The following TMEM120A variants were observed in gnomAD, a reference collection of about 807,000 sequenced individuals.
TMEM120A encodes transmembrane protein 120A, also known as ion channel TACAN.
Under a neutral mutation model 54.3 loss-of-function variants are expected in TMEM120A, and 45 were observed. That is an observed-to-expected ratio of 0.83 (90% CI 0.65 to 1.06). The LOEUF is 1.06. Among genes scored for constraint, TMEM120A ranks in the 50% least tolerant of loss-of-function variants. The pLI, the probability that TMEM120A is intolerant of heterozygous loss-of-function variation, is 0.00. For missense variants in TMEM120A, 424 were observed against 441.7 expected (o/e 0.96, Z 0.36); for synonymous variants, 204 against 178.5 (o/e 1.14, Z -1.14).
intron 1 of TMEM120A, 136 bp downstream of exon 1, chr7:75,994,354 C>T: frequency 1.4e-6 from 1 of 723,586 alleles, no homozygotes; most frequent in Non-Finnish European, 2.3e-6. Context: ...GGGGCCTCGC[C>T]CCCCTTGGCA....
chr7:75,988,500 CGTCCTT>C lies in TMEM120A; in HGVS notation c.388_393del (p.Lys130_Asp131del). The C allele has an allele frequency of 6.2e-7, 1 of 1,607,030 alleles. No homozygotes were observed. Among genetic ancestry groups the C allele is most frequent in the African/African-American group, 1.4e-5 (1 of 72,976 alleles). ...AGGTAGAGCTTGAACTTCTCATACT[CGTCCTT>C]GTAGGCAAACCTGGGGGGCGCAGGC... On this transcript the variant is annotated inframe_deletion, in exon 5 of 12. Coordinates refer to ENST00000493111, the MANE Select transcript of TMEM120A (RefSeq NM_031925.3).
At chr7:75,988,585 G>A in intron 4 of TMEM120A, 69 bp from the exon 5 acceptor site, 1 of 1,139,974 alleles carries the variant, frequency 8.8e-7, no homozygotes, top group Non-Finnish European at 1.3e-6. Context: ...ACCCCGGGAG[G>A]GCAGCTGAGC....
Position 75,987,349 on chromosome 7 carries a change from C to A in TMEM120A, c.918+11G>T, listed in dbSNP as rs1321147083. On this transcript the variant is annotated intron_variant, in intron 11 of 11. Transcript: ENST00000493111. ...GCCCCCCATCCATCCTGTCCAGGGA[C>A]CCCGGCTCACCTGCCACTCCTTGCA... 48 of 1,560,736 alleles carry A rather than the reference C, an allele frequency of 3.1e-5. No homozygotes were observed. The highest frequency in any genetic ancestry group is 1.7e-4 in the Middle Eastern group (1 of 6,018).
Position 75,994,566 on chromosome 7 carries a change from T to C in TMEM120A, c.5A>G (p.Gln2Arg). 1 of 1,542,494 alleles carries C rather than the reference T, an allele frequency of 6.5e-7. No homozygotes were observed. Among genetic ancestry groups the C allele is most frequent in the Non-Finnish European group, 8.7e-7 (1 of 1,144,272 alleles). Reference protein sequence around the residue: MQPPPPGPLGDC... With the variant: MRPPPPGPLGDC... Reference sequence around the variant, plus strand: ...GCCCAGCGGGCCCGGGGGCGGGGGCTGCATGGCTGCAGCGCCAGTAGCCAG... The same window carrying C: ...GCCCAGCGGGCCCGGGGGCGGGGGCCGCATGGCTGCAGCGCCAGTAGCCAG... Residue 2 changes from glutamine to arginine, a missense_variant, in exon 1 of 12, where the codon CAG becomes CGG. Gln to Arg is a conservative substitution (Grantham distance 43, BLOSUM62 1). Transcript: ENST00000493111.
At position 75,987,352 on chromosome 7, in the gene TMEM120A, C is replaced by G. The variant is rs116526655; in HGVS notation, c.918+8G>C. ...CCCCATCCATCCTGTCCAGGGACCC[C>G]GGCTCACCTGCCACTCCTTGCACTG... On this transcript the variant is annotated splice_region_variant and intron_variant, in intron 11 of 11. Coordinates refer to ENST00000493111, the MANE Select transcript of TMEM120A (RefSeq NM_031925.3). 1 of 1,560,428 alleles carries G rather than the reference C, an allele frequency of 6.4e-7. No individual in the cohort carries two copies. The highest frequency in any genetic ancestry group is 8.7e-7 in the Non-Finnish European group (1 of 1,153,422).
In TMEM120A at chr7:75,988,490, T is replaced by C. The variant is rs781959690; in HGVS notation, c.404A>G (p.Lys135Arg). 1.9e-5 allele frequency: 30 copies of C among 1,608,274 alleles called. No homozygotes were observed. In the South Asian group the frequency reaches 3.3e-4, roughly 18 times the overall value. ...GATGATGGTGAGGTAGAGCTTGAAC[T>C]TCTCATACTCGTCCTTGTAGGCAAA... is the stretch of plus-strand genomic sequence containing the variant. ...AKFAYKDEYE[K>R]FKLYLTIILI... Residue 135 changes from lysine to arginine, a missense_variant, in exon 5 of 12, where the codon AAG becomes AGG. Coordinates refer to ENST00000493111, the MANE Select transcript of TMEM120A (RefSeq NM_031925.3).
chr7:75,987,195 G>C lies in TMEM120A; in HGVS notation c.1009C>G (p.Arg337Gly), dbSNP rs782444597. 1 of 1,605,150 alleles carries C rather than the reference G, an allele frequency of 6.2e-7. No homozygotes were observed. Among genetic ancestry groups the C allele is most frequent in the Non-Finnish European group, 8.5e-7 (1 of 1,176,578 alleles). Reference protein sequence around the residue: ...RVVHHKFHSQRHGSKKD With the variant: ...RVVHHKFHSQGHGSKKD ...CCTCAATCCTTCTTGCTCCCGTGCC[G>C]CTGACTGTGAAACTTGTGGTGCACA... is the stretch of plus-strand genomic sequence containing the variant. The change falls in exon 12 of 12, where the codon CGG becomes GGG. Residue 337 changes from arginine to glycine, a missense_variant. Physicochemically the swap from Arg to Gly is moderately radical, Grantham distance 125. Transcript: ENST00000493111.
chr7:75,988,521 G>A lies in TMEM120A; in HGVS notation c.378-5C>T, dbSNP rs1789654043. 6.2e-7 allele frequency: 1 copy of A among 1,602,398 alleles called. No individual in the cohort carries two copies. The highest frequency in any genetic ancestry group is 8.5e-7 in the Non-Finnish European group (1 of 1,176,646). On this transcript the variant is annotated splice_polypyrimidine_tract_variant and splice_region_variant and intron_variant, in intron 4 of 11. Coordinates refer to ENST00000493111, the MANE Select transcript of TMEM120A (RefSeq NM_031925.3). ...TACTCGTCCTTGTAGGCAAACCTGGGGGGCGCAGGCCGGTGAGACGGGTGG... is the reference window on the plus strand; with the variant it reads ...TACTCGTCCTTGTAGGCAAACCTGGAGGGCGCAGGCCGGTGAGACGGGTGG...
chr7:75,990,923 C>A (rs1399420097), intron 3 of TMEM120A, among the ~76,000 whole-genome samples: 6 of 145,988 alleles, frequency 4.1e-5, no homozygotes, highest in South Asian at 2.2e-4. Context: ...AAAAAAAAGT[C>A]TCCTAGACTT....
At position 75,990,877 on chromosome 7, in the gene TMEM120A, G is replaced by A. The variant is rs910188819; in HGVS notation, c.317+1267C>T. Reference sequence around the variant, plus strand: ...TCAAGTGACTGCACTCCAGCCTAGCGACAGAGTGAGACTCTGTCTCAAAAA... The same window carrying A: ...TCAAGTGACTGCACTCCAGCCTAGCAACAGAGTGAGACTCTGTCTCAAAAA... On this transcript the variant is annotated intron_variant, in intron 3 of 11. Transcript: ENST00000493111. Among the ~76,000 whole-genome samples, 12 of 131,016 alleles carry A rather than the reference G, an allele frequency of 9.2e-5. No individual in the cohort carries two copies. The East Asian group carries it at 1.4e-3, about 16-fold the overall frequency. 86.0% of individuals were successfully genotyped at this position (131,016 alleles called of 152,430 possible).
At chr7:75,994,207 C>G (rs1554562583) in intron 1 of TMEM120A, among the ~76,000 whole-genome samples, 1 of 152,206 alleles carries the variant, frequency 6.6e-6, no homozygotes, top group African/African-American at 2.4e-5. Context: ...CAGGCGGCCG[C>G]TCTCTTCTGG....
rs1554559838 is a variant in TMEM120A, at chr7:75,987,126, C to T, written c.*46G>A. On this transcript the variant is annotated 3_prime_UTR_variant, in exon 12 of 12. Transcript: ENST00000493111. ...GGGCGCCTCCCATCCCCTCCCACAA[C>T]ACACAGGACAGAAGCCCCTCTGGGC... 2.0e-6 allele frequency: 3 copies of T among 1,502,960 alleles called. No homozygotes were observed. The highest frequency in any genetic ancestry group is 4.8e-5 in the East Asian group (2 of 41,248). 93.1% of individuals were successfully genotyped at this position (1,502,960 alleles called of 1,614,324 possible). A position where few individuals can be genotyped will look rare whatever the true frequency, so the allele number is the denominator to read the frequency against.
intron 9 of TMEM120A, 58 bp from the exon 10 acceptor site, chr7:75,987,660 C>T (rs782001430): frequency 3.7e-5 from 60 of 1,605,368 alleles, no homozygotes; most frequent in Non-Finnish European, 4.8e-5. Flanking sequence ...CGCTACCACT[C>T]AGACCCGGGA....
At position 75,992,540 on chromosome 7, in the gene TMEM120A, G is replaced by A; in HGVS notation, c.99C>T (p.Tyr33=). ...FQNIQETHRL[Y]RLKLEELTKL... ...TGGTCAGCTCCTCCAGCTTCAGGCG[G>A]TAGAGCCGATGGGTCTCCTGGGGGC... The change falls in exon 2 of 12, where the codon TAC becomes TAT. Residue 33 remains tyrosine (Y), a synonymous_variant. Coordinates refer to ENST00000493111, the MANE Select transcript of TMEM120A (RefSeq NM_031925.3). 2.5e-6 allele frequency: 4 copies of A among 1,580,814 alleles called. No individual in the cohort carries two copies. Among genetic ancestry groups the A allele is most frequent in the Non-Finnish European group, 3.4e-6 (4 of 1,164,350 alleles).
intron 3 of TMEM120A, among the ~76,000 whole-genome samples, chr7:75,989,744 T>G (rs1554561458): frequency 6.6e-6 from 1 of 151,756 alleles, no homozygotes. Context: ...TCCCGGGGCG[T>G]TTCTTCCCAC....
rs1369949981 is a variant in TMEM120A at position 75,987,707 on chromosome 7, T to C, written c.784+11A>G. The C allele has an allele frequency of 8.1e-6, 13 of 1,611,826 alleles. No homozygotes were observed. Among genetic ancestry groups the C allele is most frequent in the Non-Finnish European group, 1.1e-5 (13 of 1,179,590 alleles). ...GGGAATGTCCAGATGCCAGGGCCAC[T>C]CCCGACTCACCCACAGTGAGGTCCA... On this transcript the variant is annotated intron_variant, in intron 9 of 11. Coordinates refer to ENST00000493111, the MANE Select transcript of TMEM120A (RefSeq NM_031925.3).
chr7:75,991,323 G>A (rs7794040), intron 3 of TMEM120A, among the ~76,000 whole-genome samples: 132,354 of 152,100 alleles, frequency 0.87, 57,781 homozygotes, highest in Non-Finnish European at 0.9. Flanking sequence ...CCCGACCTCT[G>A]GCCACTACAA....
chr7:75,987,268 A>C lies in TMEM120A; in HGVS notation c.936T>G (p.Phe312Leu). 1 of 1,603,598 alleles carries C rather than the reference A, an allele frequency of 6.2e-7. No homozygotes were observed. The highest frequency in any genetic ancestry group is 8.5e-7 in the Non-Finnish European group (1 of 1,175,746). ...TGCCGAGGAAAAGGAGGAGGAAGGG[A>C]AAGCCGCACATAAGCACCTGCCGGA... Reference protein sequence around the residue: ...CKEWQVLMCGFPFLLLFLGNF... With the variant: ...CKEWQVLMCGLPFLLLFLGNF... The change falls in exon 12 of 12, where the codon TTT becomes TTG. Residue 312 changes from phenylalanine (F) to leucine (L), a missense_variant. By Grantham distance (22) the Phe-to-Leu change is conservative (BLOSUM62 0). Transcript: ENST00000493111.
chr7:75,986,870 T>G lies in TMEM120A; in HGVS notation c.*302A>C. 6.9e-6 allele frequency: 4 copies of G among 582,512 alleles called. No homozygotes were observed. The East Asian group carries it at 1.1e-4, about 16-fold the overall frequency. 36.1% of individuals were successfully genotyped at this position (582,512 alleles called of 1,614,324 possible). On this transcript the variant is annotated 3_prime_UTR_variant, in exon 12 of 12. Transcript: ENST00000493111. Reference sequence around the variant, plus strand: ...TGTTTTCTGTATTTGCCTGGTATTGTGTGAGTAGATCTGGGACCTCCACCT... The same window carrying G: ...TGTTTTCTGTATTTGCCTGGTATTGGGTGAGTAGATCTGGGACCTCCACCT...
Sources: allele counts gnomAD v4.1 joint callset (sites outside exome capture counted in the v4.1 genomes callset), GRCh38; gene constraint gnomAD v4.1.1; transcripts MANE v1.5; gene names NCBI Gene and HGNC (gene_info 2026-07-23, HGNC 2026-07-21).